Variants in SH3RF1 observed in about 807,000 individuals in gnomAD.
The protein encoded by SH3RF1 is SH3 domain containing ring finger 1.
SH3RF1 carries 32 observed loss-of-function variants against 74.0 expected under a neutral mutation model. The observed-to-expected ratio is 0.43, with a 90% CI of 0.33 to 0.58. SH3RF1 has a LOEUF of 0.58. Ranked by LOEUF, SH3RF1 falls within the 20% of genes least tolerant of loss-of-function variation. SH3RF1 has a pLI of 0.05. For synonymous variants in SH3RF1, 396 were observed against 439.6 expected, an observed-to-expected ratio of 0.90 and a Z score of 1.24; for missense variants, 954 against 1,130.9, an observed-to-expected ratio of 0.84 and a Z score of 2.24.
chr4:169,181,963 T>TCC (rs1252420229), intron 2 of SH3RF1, among the ~76,000 whole-genome samples: 2 of 152,204 alleles, frequency 1.3e-5, no homozygotes, highest in Admixed American at 1.3e-4. Context: ...TATTTGTCTC[T>TCC]CCCACCGAAA....
chr4:169,116,477 G>A lies in SH3RF1; in HGVS notation c.1931C>T (p.Thr644Ile). 2.5e-6 allele frequency: 4 copies of A among 1,614,008 alleles called. No homozygotes were observed. The highest frequency in any genetic ancestry group is 3.4e-6 in the Non-Finnish European group (4 of 1,179,956). Residue 644 changes from threonine to isoleucine, a missense_variant, in exon 10 of 12, where the codon ACT becomes ATT. Around this residue, in one of 3 missense-constraint regions of SH3RF1, gnomAD observed 854 missense variants for 962.5 expected, o/e 0.89. Transcript: ENST00000284637. ...APLMPGSATH[T>I]AAISISRASA... is the part of the protein sequence containing the mutation. ...GGCTCGACTGATACTGATGGCAGCA[G>A]TGTGCGTGGCTGAGCCTGGCATCAG...
intron 2 of SH3RF1, among the ~76,000 whole-genome samples, chr4:169,239,300 C>T (rs917569767): frequency 1.3e-4 from 19 of 151,820 alleles, no homozygotes; most frequent in Non-Finnish European, 2.5e-4. Flanking sequence ...ATGAAAGAAA[C>T]ACTGAAGGCC....
Position 169,107,222 on chromosome 4 carries a change from A to G in SH3RF1, c.2140-17T>C. ...TTTTTCTTTCTGGAAAAAAAAAATA[A>G]TGAGCCTTAGTTGGAGAATGACAGT... On this transcript the variant is annotated splice_polypyrimidine_tract_variant and intron_variant, in intron 10 of 11. Coordinates refer to ENST00000284637, the MANE Select transcript of SH3RF1 (RefSeq NM_020870.4). The G allele has an allele frequency of 3.9e-6, 6 of 1,520,796 alleles. No individual in the cohort carries two copies. The highest frequency in any genetic ancestry group is 5.3e-6 in the Non-Finnish European group (6 of 1,133,368). The allele number at this position is 1,520,796 out of a possible 1,614,324, so 94.2% of individuals were successfully genotyped here.
At chr4:169,259,356 G>T (rs1731238804) in intron 2 of SH3RF1, among the ~76,000 whole-genome samples, 1 of 151,868 alleles carries the variant, frequency 6.6e-6, no homozygotes. Flanking sequence ...CTATTTAACT[G>T]CTCTGTCAGC....
chr4:169,100,684 A>G (rs1413051498), intron 11 of SH3RF1, among the ~76,000 whole-genome samples: 1 of 152,158 alleles, frequency 6.6e-6, no homozygotes, highest in Non-Finnish European at 1.5e-5. Flanking sequence ...GCAGCTACCC[A>G]CTGCCAAAAA....
At chr4:169,196,188 T>C (rs1353602109) in intron 2 of SH3RF1, among the ~76,000 whole-genome samples, 1 of 152,224 alleles carries the variant, frequency 6.6e-6, no homozygotes. Context: ...CTATTGCTAT[T>C]GTTTCCCTAG....
intron 11 of SH3RF1, among the ~76,000 whole-genome samples, chr4:169,097,752 G>A (rs772290926): frequency 6.6e-6 from 1 of 152,108 alleles, no homozygotes; most frequent in Non-Finnish European, 1.5e-5. Flanking sequence ...CTCCTATGAT[G>A]CACAGGATGA....
At chr4:169,107,646 G>A (rs914372878) in intron 10 of SH3RF1, among the ~76,000 whole-genome samples, 2 of 152,178 alleles carry the variant, frequency 1.3e-5, no homozygotes, top group African/African-American at 2.4e-5. Flanking sequence ...CTGAACTTCT[G>A]CCTATCCTAT....
rs115188127 is a variant in SH3RF1, at chr4:169,111,583, C to T, written c.2140-4378G>A. ...CCCAGCCTTAATCTTTTTATAACAA[C>T]AAAACACAATAAAACATATATACAT... is the stretch of plus-strand genomic sequence containing the variant. On this transcript the variant is annotated intron_variant, in intron 10 of 11. Transcript: ENST00000284637. 4.9e-3 allele frequency among the ~76,000 whole-genome samples: 751 copies of T among 151,902 alleles called. 5 individuals carry two copies. The highest frequency in any genetic ancestry group is 0.017 in the African/African-American group (686 of 41,434).
chr4:169,147,491 T>C (rs1376092742), intron 4 of SH3RF1, among the ~76,000 whole-genome samples: 2 of 152,212 alleles, frequency 1.3e-5, no homozygotes, highest in South Asian at 2.1e-4. Context: ...GGTGGGGGAA[T>C]GGTGATCGCC....
intron 2 of SH3RF1, among the ~76,000 whole-genome samples, chr4:169,266,723 T>C (rs1014328362): frequency 6.6e-6 from 1 of 152,128 alleles, no homozygotes; most frequent in African/African-American, 2.4e-5. Context: ...CCCCAGCCTC[T>C]GGAGTAGCTA....
chr4:169,249,078 A>G (rs2110743332), intron 2 of SH3RF1, among the ~76,000 whole-genome samples: 1 of 152,236 alleles, frequency 6.6e-6, no homozygotes, highest in African/African-American at 2.4e-5. Context: ...ATACAAAAAA[A>G]TTAGCCAGGC....
intron 6 of SH3RF1, 64 bp from the exon 7 acceptor site, chr4:169,122,330 C>T (rs1429125363): frequency 5.4e-6 from 8 of 1,492,014 alleles, no homozygotes; most frequent in African/African-American, 1.4e-5. Context: ...TTACATCTTC[C>T]TATGGAAGGT....
intron 11 of SH3RF1, 105 bp downstream of exon 11, chr4:169,106,742 A>C (rs1733145703): frequency 1.1e-6 from 1 of 934,330 alleles, no homozygotes; most frequent in East Asian, 2.5e-5. Context: ...CAGTTTCAAA[A>C]CATTTAGGAA....
intron 2 of SH3RF1, among the ~76,000 whole-genome samples, chr4:169,165,040 C>T (rs1254796890): frequency 1.3e-5 from 2 of 152,182 alleles, no homozygotes; most frequent in Non-Finnish European, 2.9e-5. Flanking sequence ...TTAATAATTA[C>T]AATAGTATTT....
At chr4:169,149,511 A>G (rs1003176974) in intron 4 of SH3RF1, among the ~76,000 whole-genome samples, 1 of 152,240 alleles carries the variant, frequency 6.6e-6, no homozygotes, top group Non-Finnish European at 1.5e-5. Flanking sequence ...GTATTCAGTC[A>G]GAATTACAGA....
chr4:169,157,089 G>A (rs1339070146), intron 2 of SH3RF1, among the ~76,000 whole-genome samples: 1 of 152,196 alleles, frequency 6.6e-6, no homozygotes, highest in Non-Finnish European at 1.5e-5. Context: ...AGAAATGATA[G>A]ATACTGAGGG....
chr4:169,152,930 C>T (rs1285140691), intron 4 of SH3RF1, among the ~76,000 whole-genome samples: 2 of 152,106 alleles, frequency 1.3e-5, no homozygotes, highest in Non-Finnish European at 2.9e-5. Context: ...TCTTTACCCA[C>T]CTCCAGTGCT....
intron 2 of SH3RF1, among the ~76,000 whole-genome samples, chr4:169,192,826 A>G (rs986193473): frequency 2.7e-5 from 4 of 148,296 alleles, no homozygotes; most frequent in African/African-American, 9.8e-5. Flanking sequence ...TGTGATATAT[A>G]TATCATATAG....
Sources: allele counts gnomAD v4.1 joint callset (sites outside exome capture counted in the v4.1 genomes callset), GRCh38; gene constraint gnomAD v4.1.1; regional missense constraint gnomAD v4.1.1; transcripts MANE v1.5; gene names NCBI Gene and HGNC (gene_info 2026-07-23, HGNC 2026-07-21).